CBFA2T3: variants seen among roughly 807,000 people sequenced by gnomAD.
CBFA2T3 encodes CBFA2/RUNX1 partner transcriptional co-repressor 3.
Under a neutral mutation model 58.6 loss-of-function variants are expected in CBFA2T3, and 31 were observed. That is an observed-to-expected ratio of 0.53 (90% CI 0.40 to 0.71). CBFA2T3 has a LOEUF of 0.71. Ranked by LOEUF, CBFA2T3 falls within the 30% of genes least tolerant of loss-of-function variation. The pLI is 0.00. For missense variants in CBFA2T3, 1,076 were observed against 963.1 expected, an observed-to-expected ratio of 1.12 and a Z score of -1.55; for synonymous variants, 531 against 421.9, an observed-to-expected ratio of 1.26 and a Z score of -3.17.
intron 5 of CBFA2T3, among the ~76,000 whole-genome samples, chr16:88,891,446 C>T (rs951848552): frequency 3.3e-5 from 5 of 152,190 alleles, no homozygotes; most frequent in Non-Finnish European, 5.9e-5. Flanking sequence ...GCCTTCCCAC[C>T]CCAGGGTGCT....
chr16:88,908,445 T>C (rs1970411872), intron 1 of CBFA2T3, among the ~76,000 whole-genome samples: 1 of 152,030 alleles, frequency 6.6e-6, no homozygotes, highest in South Asian at 2.1e-4. Flanking sequence ...CACATCCAGT[T>C]CCCAGCAAAA....
chr16:88,882,321 T>C (rs1437778879), intron 8 of CBFA2T3, among the ~76,000 whole-genome samples: 3 of 151,816 alleles, frequency 2.0e-5, no homozygotes. Flanking sequence ...GCTGTGTGGG[T>C]GTAGCTGTGT....
chr16:88,941,185 C>A, intron 1 of CBFA2T3: 12 of 982,342 alleles, frequency 1.2e-5, no homozygotes, highest in Non-Finnish European at 1.4e-5. Context: ...GGGGCTGGGG[C>A]GCGCGGGGCG....
intron 1 of CBFA2T3, among the ~76,000 whole-genome samples, chr16:88,967,847 G>A (rs1972554213): frequency 6.6e-6 from 1 of 152,228 alleles, no homozygotes. Context: ...CCCCGGAGCA[G>A]CGCGTCCAGC....
intron 1 of CBFA2T3, among the ~76,000 whole-genome samples, chr16:88,941,598 C>A (rs1971735254): frequency 6.8e-6 from 1 of 147,202 alleles, no homozygotes; most frequent in African/African-American, 2.5e-5. Flanking sequence ...GGGAGAGGGG[C>A]GCGGGGAGGG....
In CBFA2T3 at chr16:88,891,868, G is replaced by A. The variant is rs747589804; in HGVS notation, c.711+14C>T. On this transcript the variant is annotated intron_variant, in intron 5 of 11. Transcript: ENST00000268679. The stretch of plus-strand genomic sequence containing the variant: ...GGGAGGCTCCCGCAGCACGGGGGAC[G>A]GGTTTCGCATTACCTTCAGGAAGGG... 31 of 1,590,916 alleles carry A rather than the reference G, an allele frequency of 1.9e-5. No homozygotes were observed. Among genetic ancestry groups the A allele is most frequent in the South Asian group, 2.2e-5 (2 of 90,404 alleles).
intron 1 of CBFA2T3, among the ~76,000 whole-genome samples, chr16:88,942,242 C>G (rs886870561): frequency 2.0e-5 from 3 of 152,124 alleles, no homozygotes; most frequent in African/African-American, 7.2e-5. Context: ...CATTTGCCTG[C>G]TTAGTACATT....
At position 88,953,591 on chromosome 16, in the gene CBFA2T3, G is replaced by A. The variant is rs1419586184; in HGVS notation, c.151+23066C>T. 2.0e-5 allele frequency among the ~76,000 whole-genome samples: 3 copies of A among 152,156 alleles called. No homozygotes were observed. Among genetic ancestry groups the A allele is most frequent in the Admixed American group, 6.5e-5 (1 of 15,286 alleles). On this transcript the variant is annotated intron_variant, in intron 1 of 11. Transcript: ENST00000268679. The surrounding 1 kb of genome is among the most constrained non-coding windows in gnomAD (Gnocchi z 4.9). The stretch of plus-strand genomic sequence containing the variant: ...GGAATGTAGAGGCCTGGGGGCTCCC[G>A]GCTGGGGACAGTGCCAGCAGGAGTG...
chr16:88,908,276 A>C (rs1305785333), intron 1 of CBFA2T3, among the ~76,000 whole-genome samples: 1 of 151,698 alleles, frequency 6.6e-6, no homozygotes, highest in African/African-American at 2.4e-5. Flanking sequence ...TGGAAGGCAG[A>C]GGTTGCCATG....
intron 8 of CBFA2T3, among the ~76,000 whole-genome samples, chr16:88,881,889 C>T (rs568601565): frequency 1.4e-4 from 22 of 152,344 alleles, no homozygotes; most frequent in African/African-American, 3.8e-4. Context: ...CCTCCTGGGA[C>T]GTGCTGCAGG....
At chr16:88,959,805 C>T (rs911139801) in intron 1 of CBFA2T3, among the ~76,000 whole-genome samples, 2 of 152,160 alleles carry the variant, frequency 1.3e-5, no homozygotes, top group African/African-American at 2.4e-5. Context: ...GCAGGCAGAT[C>T]ACCCGAGGTC....
At chr16:88,879,926 C>A (rs1969000854) in intron 10 of CBFA2T3, 1 of 162,742 alleles carries the variant, frequency 6.1e-6, no homozygotes, top group Non-Finnish European at 1.3e-5. Flanking sequence ...TGCCGTTCCG[C>A]CTTCACCTCT....
chr16:88,975,221 T>TGA (rs1567644107), intron 1 of CBFA2T3, among the ~76,000 whole-genome samples: 8 of 88,406 alleles, frequency 9.0e-5, no homozygotes, highest in East Asian at 4.0e-4. Flanking sequence ...CCTCTGCTCC[T>TGA]CACCTGCAGC....
rs548018286 is a variant in CBFA2T3 at position 88,885,749 on chromosome 16, G to A, written c.893+212C>T. On this transcript the variant is annotated intron_variant, in intron 6 of 11. Transcript: ENST00000268679. This position sits in a 1 kb window ranked among gnomAD's most constrained non-coding sequence, Gnocchi z 5.3. Reference sequence around the variant, plus strand: ...TCCTCCCTGTCCTCCTAGGCTCCCCGGAGCATCTGAGTCTGCAGCCCACTG... The same window carrying A: ...TCCTCCCTGTCCTCCTAGGCTCCCCAGAGCATCTGAGTCTGCAGCCCACTG... 235 of 569,490 alleles carry A rather than the reference G, an allele frequency of 4.1e-4. 1 individual carries two copies. The African/African-American group carries it at 4.2e-3, about 10-fold the overall frequency. 35.3% of individuals were successfully genotyped at this position (569,490 alleles called of 1,614,324 possible).
chr16:88,882,612 G>C (rs1481970488), intron 8 of CBFA2T3, 64 bp downstream of exon 8: 3 of 985,484 alleles, frequency 3.0e-6, no homozygotes, highest in East Asian at 2.7e-5. Flanking sequence ...GTGCGTGGCT[G>C]TGTGTGTGCG....
At chr16:88,899,527 C>T (rs1597694368) in intron 2 of CBFA2T3, among the ~76,000 whole-genome samples, 1 of 152,252 alleles carries the variant, frequency 6.6e-6, no homozygotes, top group Non-Finnish European at 1.5e-5. Flanking sequence ...GTGGAGGGAG[C>T]AGGAAGGACC....
In CBFA2T3 at chr16:88,876,027, AC is replaced by A. The variant is rs879602567; in HGVS notation, c.*948del. ...CACCCAAATATCCCGACACCCACAA[AC>A]AAAATCAGAACAGAAGAGAAAAAGA... On this transcript the variant is annotated 3_prime_UTR_variant, in exon 12 of 12. Transcript: ENST00000268679. 1 of 232,908 alleles carries A rather than the reference AC, an allele frequency of 4.3e-6. No homozygotes were observed. The highest frequency in any genetic ancestry group is 8.5e-6 in the Non-Finnish European group (1 of 117,688). The allele number at this position is 232,908 out of a possible 1,614,324, so 14.4% of individuals were successfully genotyped here.
At chr16:88,954,062 C>T (rs2092543093) in intron 1 of CBFA2T3, among the ~76,000 whole-genome samples, 1 of 152,132 alleles carries the variant, frequency 6.6e-6, no homozygotes, top group African/African-American at 2.4e-5. Flanking sequence ...CATGGCCCCT[C>T]TACAGCTGCC....
chr16:88,932,186 C>T (rs1362471199), intron 1 of CBFA2T3, among the ~76,000 whole-genome samples: 1 of 140,566 alleles, frequency 7.1e-6, no homozygotes, highest in Admixed American at 7.0e-5. Flanking sequence ...TTCCCCCTCA[C>T]ACGGCCCCCG....
Sources: gnomAD v4.1 joint callset for allele counts (sites outside exome capture counted in the v4.1 genomes callset) on GRCh38, gnomAD v4.1.1 for gene constraint, Gnocchi (gnomAD v3.1) non-coding constraint, MANE v1.5 for transcripts, NCBI Gene and HGNC (gene_info 2026-07-23, HGNC 2026-07-21) for gene names.